The following ADAMTS18 variants were observed in gnomAD, a reference collection of about 807,000 sequenced individuals.
ADAMTS18 encodes the protein ADAM metallopeptidase with thrombospondin type 1 motif 18.
A neutral mutation model predicts 165.9 loss-of-function variants in ADAMTS18; 157 were observed. The observed-to-expected ratio is 0.95, with a 90% CI of 0.83 to 1.08. ADAMTS18 has a LOEUF of 1.08. Ranked by LOEUF, ADAMTS18 falls within the 50% of genes least tolerant of loss-of-function variation. ADAMTS18 has a pLI of 0.00. For synonymous variants in ADAMTS18, 782 were observed against 578.2 expected (o/e 1.35, Z -5.06); for missense variants, 2,040 against 1,534.0 (o/e 1.33, Z -5.51).
chr16:77,295,664 G>A (rs2055456031), intron 18 of ADAMTS18, among the ~76,000 whole-genome samples: 2 of 152,166 alleles, frequency 1.3e-5, no homozygotes, highest in South Asian at 2.1e-4. Context: ...GGTACATTTA[G>A]AGAAGGTCTC....
chr16:77,319,251 T>C (rs1372320422), intron 16 of ADAMTS18, among the ~76,000 whole-genome samples: 1 of 152,134 alleles, frequency 6.6e-6, no homozygotes, highest in Non-Finnish European at 1.5e-5. Context: ...CAAACCAGCA[T>C]AATATAAAAA....
intron 3 of ADAMTS18, among the ~76,000 whole-genome samples, chr16:77,393,088 C>T (rs2057211040): frequency 2.6e-5 from 4 of 152,144 alleles, no homozygotes; most frequent in Admixed American, 1.3e-4. Context: ...TTTGATGAAT[C>T]GTATTTAAAG....
intron 16 of ADAMTS18, among the ~76,000 whole-genome samples, chr16:77,304,137 T>A (rs1389375254): frequency 1.3e-5 from 2 of 152,148 alleles, no homozygotes; most frequent in African/African-American, 2.4e-5. Context: ...TAGCTATCAC[T>A]TATTAATAAC....
At chr16:77,408,121 T>A (rs1282937362) in intron 3 of ADAMTS18, among the ~76,000 whole-genome samples, 1 of 152,124 alleles carries the variant, frequency 6.6e-6, no homozygotes, top group African/African-American at 2.4e-5. Context: ...TTTGCTCAAC[T>A]TCTTTAGTCA....
intron 18 of ADAMTS18, among the ~76,000 whole-genome samples, chr16:77,296,792 C>A (rs928039171): frequency 2.0e-5 from 3 of 152,082 alleles, no homozygotes; most frequent in Admixed American, 1.3e-4. Context: ...TGTACTCCAG[C>A]CTGGGCAACA....
Position 77,292,955 on chromosome 16 carries a change from G to C in ADAMTS18, c.3189+121C>G, listed in dbSNP as rs574748011. 353 of 1,236,018 alleles carry C rather than the reference G, an allele frequency of 2.9e-4. 1 individual carries two copies. Among genetic ancestry groups the C allele is most frequent in the South Asian group, 6.3e-4 (48 of 76,634 alleles). The allele number at this position is 1,236,018 out of a possible 1,614,324, so 76.6% of individuals were successfully genotyped here. On this transcript the variant is annotated intron_variant, in intron 20 of 22. Coordinates refer to ENST00000282849, the MANE Select transcript of ADAMTS18 (RefSeq NM_199355.4). ...CTGCCTCAGCCTCCCCAGTAGATCA[G>C]ACTACAGGCGCCTGCCACCTTGCCT...
chr16:77,425,257 G>A (rs982748635), intron 3 of ADAMTS18, among the ~76,000 whole-genome samples: 2 of 152,108 alleles, frequency 1.3e-5, no homozygotes, highest in African/African-American at 4.8e-5. Context: ...TTTAATTGTT[G>A]GGGACAAAGA....
intron 2 of ADAMTS18, 123 bp from the exon 3 acceptor site, chr16:77,431,734 C>T (rs2057743422): frequency 9.8e-7 from 1 of 1,022,466 alleles, no homozygotes; most frequent in Admixed American, 1.7e-5. Flanking sequence ...TGCCTTGCAC[C>T]TAGATCAAAT....
At chr16:77,425,749 AGAG>A (rs1269044191) in intron 3 of ADAMTS18, among the ~76,000 whole-genome samples, 3 of 152,174 alleles carry the variant, frequency 2.0e-5, no homozygotes, top group Non-Finnish European at 1.5e-5. Flanking sequence ...TGGTTCAAAA[AGAG>A]GAGGAGTGGG....
At chr16:77,350,909 C>T (rs558372351) in intron 10 of ADAMTS18, among the ~76,000 whole-genome samples, 1 of 151,664 alleles carries the variant, frequency 6.6e-6, no homozygotes, top group South Asian at 2.1e-4. Flanking sequence ...TTTCACTATG[C>T]AATGCTTTCT....
At chr16:77,391,910 G>T (rs2057192831) in intron 3 of ADAMTS18, among the ~76,000 whole-genome samples, 1 of 152,178 alleles carries the variant, frequency 6.6e-6, no homozygotes, top group African/African-American at 2.4e-5. Flanking sequence ...GTGGTTTGGT[G>T]AAACAGACAG....
Position 77,293,188 on chromosome 16 carries a change from A to G in ADAMTS18, c.3077T>C (p.Leu1026Pro), listed in dbSNP as rs780554901. 17 of 1,613,638 alleles carry G rather than the reference A, an allele frequency of 1.1e-5. No individual in the cohort carries two copies. The highest frequency in any genetic ancestry group is 3.3e-5 in the Admixed American group (2 of 59,950). Reference sequence around the variant, plus strand: ...GAGACTGGTACACTGGCTCTCGGGGAGGGTTTCTGCGGCAGAGCCCTTGCA... The same window carrying G: ...GAGACTGGTACACTGGCTCTCGGGGGGGGTTTCTGCGGCAGAGCCCTTGCA... Reference protein sequence around the residue: ...LLCKGSAAETLPESQCTSLPR... With the variant: ...LLCKGSAAETPPESQCTSLPR... The change falls in exon 20 of 23, where the codon CTC (leucine) becomes CCC (proline). Residue 1026 changes from leucine to proline, a missense_variant. Physicochemically the swap from Leu to Pro is moderately conservative, Grantham distance 98 (BLOSUM62 -3). Transcript: ENST00000282849.
intron 22 of ADAMTS18, among the ~76,000 whole-genome samples, chr16:77,285,723 G>A (rs1047206228): frequency 6.6e-6 from 1 of 152,066 alleles, no homozygotes; most frequent in Non-Finnish European, 1.5e-5. Flanking sequence ...TGTGAGTCAG[G>A]TATTTCATTT....
chr16:77,353,634 T>C, intron 10 of ADAMTS18, 99 bp downstream of exon 10: 2 of 1,542,528 alleles, frequency 1.3e-6, no homozygotes, highest in Admixed American at 1.7e-5. Context: ...ACCCAGAACC[T>C]AACCCTTGGC....
At chr16:77,289,192 T>A in intron 22 of ADAMTS18, 72 bp downstream of exon 22, 3 of 1,573,976 alleles carry the variant, frequency 1.9e-6, no homozygotes. Context: ...CAGGCTGCAC[T>A]ACTAACAAAG....
chr16:77,420,488 G>GT (rs1321854153), intron 3 of ADAMTS18, among the ~76,000 whole-genome samples: 1 of 152,150 alleles, frequency 6.6e-6, no homozygotes, highest in Non-Finnish European at 1.5e-5. Flanking sequence ...AAGCGTCTGT[G>GT]TTTTTTAAAG....
rs995221416 is a variant in ADAMTS18, at chr16:77,419,495, G to A, written c.495+11800C>T. On this transcript the variant is annotated intron_variant, in intron 3 of 22. Coordinates refer to ENST00000282849, the MANE Select transcript of ADAMTS18 (RefSeq NM_199355.4). The stretch of plus-strand genomic sequence containing the variant: ...TCATATGCTAAACCCCTCTAGCTAT[G>A]AACCTCTCTGACTTCTTCTCCTCTC... Among the ~76,000 whole-genome samples, 3 of 152,058 alleles carry A rather than the reference G, an allele frequency of 2.0e-5. No individual in the cohort carries two copies. The East Asian group carries it at 5.8e-4, about 29-fold the overall frequency.
At chr16:77,383,934 C>T (rs769700678) in intron 3 of ADAMTS18, among the ~76,000 whole-genome samples, 1 of 152,112 alleles carries the variant, frequency 6.6e-6, no homozygotes, top group East Asian at 1.9e-4. Flanking sequence ...GAAACAAAGC[C>T]AACCTTGTCA....
chr16:77,366,018 A>C (rs1487550047), intron 4 of ADAMTS18, among the ~76,000 whole-genome samples: 1 of 152,240 alleles, frequency 6.6e-6, no homozygotes, highest in Non-Finnish European at 1.5e-5. Flanking sequence ...TCATTACTCT[A>C]TATATGCTAA....
Sources: allele counts gnomAD v4.1 joint callset (sites outside exome capture counted in the v4.1 genomes callset), GRCh38; gene constraint gnomAD v4.1.1; transcripts MANE v1.5; gene names NCBI Gene and HGNC (gene_info 2026-07-23, HGNC 2026-07-21).